Variants in CYP7B1 observed in about 807,000 individuals in gnomAD.
CYP7B1 encodes cytochrome P450 family 7 subfamily B member 1.
CYP7B1 carries 29 observed loss-of-function variants against 42.7 expected under a neutral mutation model. The observed-to-expected ratio is 0.68, with a 90% CI of 0.51 to 0.93. The LOEUF (loss-of-function observed/expected upper bound fraction) is 0.93. CYP7B1 is among the 40% of genes least tolerant of loss of function. The pLI is 0.00. For synonymous variants in CYP7B1, 235 were observed against 218.2 expected (o/e 1.08, Z -0.68); for missense variants, 655 against 600.5 (o/e 1.09, Z -0.95).
rs10530120 is a variant in CYP7B1, at chr8:64,618,570, T to TTCTCTCTCTCTC, written c.260-2301_260-2290dup. 1.1e-3 allele frequency among the ~76,000 whole-genome samples: 160 copies of TTCTCTCTCTCTC among 146,346 alleles called. 1 individual carries two copies. Among genetic ancestry groups the TTCTCTCTCTCTC allele is most frequent in the Middle Eastern group, 6.9e-3 (2 of 288 alleles). On this transcript the variant is annotated intron_variant, in intron 2 of 5. Transcript: ENST00000310193. ...ATCATTACAAATACACACATTCATT[T>TTCTCTCTCTCTC]TCTCTCTCTCTCTCTCTCTTTCTCT...
intron 1 of CYP7B1, among the ~76,000 whole-genome samples, chr8:64,794,742 C>A (rs777705564): frequency 9.2e-5 from 14 of 152,180 alleles, no homozygotes; most frequent in Non-Finnish European, 4.4e-5. Flanking sequence ...ACGTTCAAAC[C>A]ATAGCATCAC....
At position 64,719,903 on chromosome 8, in the gene CYP7B1, A is replaced by G. The variant is rs142483018; in HGVS notation, c.122+78563T>C. On this transcript the variant is annotated intron_variant, in intron 1 of 5. Coordinates refer to ENST00000310193, the MANE Select transcript of CYP7B1 (RefSeq NM_004820.5). Reference sequence around the variant, plus strand: ...TGTGCTCTTGGCCTAAGTGCTTTCTATTTGACGACTTTAACTCTGGGTCCC... The same window carrying G: ...TGTGCTCTTGGCCTAAGTGCTTTCTGTTTGACGACTTTAACTCTGGGTCCC... Among the ~76,000 whole-genome samples, 247 of 152,364 alleles carry G rather than the reference A, an allele frequency of 1.6e-3. 1 individual carries two copies. Among genetic ancestry groups the G allele is most frequent in the African/African-American group, 5.3e-3 (220 of 41,594 alleles).
intron 2 of CYP7B1, among the ~76,000 whole-genome samples, chr8:64,621,789 G>A (rs1805534214): frequency 6.7e-6 from 1 of 148,512 alleles, no homozygotes; most frequent in Non-Finnish European, 1.5e-5. Context: ...AGGCTGGAGT[G>A]CAGTGGTACG....
chr8:64,615,334 G>T, intron 3 of CYP7B1, 102 bp from the exon 4 acceptor site: 1 of 1,140,008 alleles, frequency 8.8e-7, no homozygotes, highest in Non-Finnish European at 1.3e-6. Context: ...CCCAGCCAAG[G>T]ATCAGTGCAT....
At chr8:64,763,858 C>A (rs1183046825) in intron 1 of CYP7B1, among the ~76,000 whole-genome samples, 1 of 152,242 alleles carries the variant, frequency 6.6e-6, no homozygotes, top group South Asian at 2.1e-4. Context: ...TGACCCATAC[C>A]TCCTGGGTCC....
chr8:64,625,881 C>T (rs571484393), intron 1 of CYP7B1, among the ~76,000 whole-genome samples: 10 of 151,670 alleles, frequency 6.6e-5, no homozygotes, highest in Admixed American at 2.6e-4. Context: ...AAAAAACCTT[C>T]GATTATATTC....
intron 1 of CYP7B1, among the ~76,000 whole-genome samples, chr8:64,625,192 C>G (rs781304218): frequency 3.3e-5 from 5 of 152,008 alleles, no homozygotes; most frequent in Non-Finnish European, 5.9e-5. Flanking sequence ...CCAGGATGGC[C>G]TTGATCTCCT....
intron 1 of CYP7B1, among the ~76,000 whole-genome samples, chr8:64,717,905 T>C (rs1477771995): frequency 4.6e-5 from 7 of 151,488 alleles, no homozygotes; most frequent in Admixed American, 4.6e-4. Flanking sequence ...TTCTAGCAAA[T>C]CATTGTAATA....
At chr8:64,711,880 T>C (rs1349960623) in intron 1 of CYP7B1, among the ~76,000 whole-genome samples, 1 of 152,232 alleles carries the variant, frequency 6.6e-6, no homozygotes, top group Non-Finnish European at 1.5e-5. Context: ...ACTTTCAATA[T>C]AGCAAATCAA....
At chr8:64,616,973 A>C in intron 2 of CYP7B1, among the ~76,000 whole-genome samples, 1 of 152,188 alleles carries the variant, frequency 6.6e-6, no homozygotes, top group Admixed American at 6.5e-5. Flanking sequence ...ACATTTATTA[A>C]GATCTGGAAA....
intron 2 of CYP7B1, among the ~76,000 whole-genome samples, chr8:64,619,565 C>A (rs1477690465): frequency 6.6e-6 from 1 of 152,092 alleles, no homozygotes; most frequent in Non-Finnish European, 1.5e-5. Flanking sequence ...GAAGTCAGCT[C>A]CAAATTTTTG....
At chr8:64,743,602 T>C (rs977842501) in intron 1 of CYP7B1, among the ~76,000 whole-genome samples, 1 of 152,164 alleles carries the variant, frequency 6.6e-6, no homozygotes, top group African/African-American at 2.4e-5. Flanking sequence ...TCACCTGACC[T>C]TTCCTCCACA....
intron 4 of CYP7B1, among the ~76,000 whole-genome samples, chr8:64,605,664 C>T (rs993548246): frequency 1.3e-5 from 2 of 152,034 alleles, no homozygotes; most frequent in African/African-American, 4.8e-5. Flanking sequence ...CGTGTAGCTC[C>T]TGTCTAGGTC....
chr8:64,654,615 C>G (rs1046734645), intron 1 of CYP7B1, among the ~76,000 whole-genome samples: 2 of 152,124 alleles, frequency 1.3e-5, no homozygotes, highest in African/African-American at 2.4e-5. Flanking sequence ...TCTATAGATT[C>G]AATGTTATTC....
chr8:64,727,482 C>T (rs1167930430), intron 1 of CYP7B1, among the ~76,000 whole-genome samples: 1 of 152,030 alleles, frequency 6.6e-6, no homozygotes, highest in East Asian at 1.9e-4. Context: ...ACAATATGTA[C>T]ATTGATCATA....
At chr8:64,612,837 C>T (rs1417601530) in intron 4 of CYP7B1, among the ~76,000 whole-genome samples, 5 of 152,110 alleles carry the variant, frequency 3.3e-5, no homozygotes, top group Admixed American at 1.3e-4. Context: ...CACATACACA[C>T]ATACCACGTG....
chr8:64,626,422 A>G (rs1421452969), intron 1 of CYP7B1, among the ~76,000 whole-genome samples: 3 of 152,214 alleles, frequency 2.0e-5, no homozygotes, highest in Non-Finnish European at 4.4e-5. Flanking sequence ...ATACATAATC[A>G]GAAGAGAAAT....
chr8:64,724,278 C>G (rs1445938273), intron 1 of CYP7B1, among the ~76,000 whole-genome samples: 3 of 152,088 alleles, frequency 2.0e-5, no homozygotes, highest in Non-Finnish European at 2.9e-5. Flanking sequence ...TCCGAAGTAG[C>G]TGGGACTACA....
At chr8:64,788,352 T>A (rs1404380730) in intron 1 of CYP7B1, among the ~76,000 whole-genome samples, 1 of 152,208 alleles carries the variant, frequency 6.6e-6, no homozygotes, top group African/African-American at 2.4e-5. Context: ...TTGTGATAAC[T>A]TGATGAGAAA....
Sources: gnomAD v4.1 joint callset for allele counts (sites outside exome capture counted in the v4.1 genomes callset) on GRCh38, gnomAD v4.1.1 for gene constraint, MANE v1.5 for transcripts, NCBI Gene and HGNC (gene_info 2026-07-23, HGNC 2026-07-21) for gene names.